Variants in ANKRD12 observed in about 807,000 individuals in gnomAD.
The protein encoded by ANKRD12 is ankyrin repeat domain-containing protein 12.
Under a neutral mutation model 183.4 loss-of-function variants are expected in ANKRD12, and 85 were observed. The observed-to-expected ratio is 0.46, with a 90% confidence interval of 0.39 to 0.56. ANKRD12 has a LOEUF of 0.56. Ranked by LOEUF, ANKRD12 falls within the 20% of genes least tolerant of loss-of-function variation. The pLI is 0.00. For synonymous variants in ANKRD12, 914 were observed against 800.2 expected, an observed-to-expected ratio of 1.14 and a Z score of -2.40; for missense variants, 2,405 against 2,357.1, an observed-to-expected ratio of 1.02 and a Z score of -0.42.
intron 3 of ANKRD12, among the ~76,000 whole-genome samples, chr18:9,201,325 A>C (rs2035152498): frequency 6.6e-6 from 1 of 152,214 alleles, no homozygotes; most frequent in Non-Finnish European, 1.5e-5. Flanking sequence ...CCTAGTCTTA[A>C]CGGTGTCCAA....
At position 9,255,909 on chromosome 18, in the gene ANKRD12, G is replaced by A. The variant is rs2038584957; in HGVS notation, c.2642G>A (p.Cys881Tyr). The A allele has an allele frequency of 1.3e-6, 2 of 1,593,444 alleles. No homozygotes were observed. Among genetic ancestry groups the A allele is most frequent in the Admixed American group, 1.8e-5 (1 of 54,820 alleles). Residue 881 changes from cysteine to tyrosine, a missense_variant, in exon 9 of 13, where the codon TGC becomes TAC. Physicochemically the swap from Cys to Tyr is radical, Grantham distance 194. Transcript: ENST00000262126. Reference protein sequence around the residue: ...DKLYSHHTEKCHKEGEKSKNT... With the variant: ...DKLYSHHTEKYHKEGEKSKNT... Reference sequence around the variant, plus strand: ...CTATATTCGCATCACACAGAAAAATGCCATAAAGAAGGTGAGAAGAGCAAA... The same window carrying A: ...CTATATTCGCATCACACAGAAAAATACCATAAAGAAGGTGAGAAGAGCAAA...
intron 7 of ANKRD12, among the ~76,000 whole-genome samples, chr18:9,219,162 G>A (rs1019033437): frequency 3.3e-5 from 5 of 152,140 alleles, no homozygotes; most frequent in Admixed American, 3.3e-4. Flanking sequence ...GAATGAACCA[G>A]CTGTACCTGA....
chr18:9,237,151 A>G (rs1395390113), intron 8 of ANKRD12, among the ~76,000 whole-genome samples: 1 of 152,210 alleles, frequency 6.6e-6, no homozygotes, highest in Non-Finnish European at 1.5e-5. Flanking sequence ...AGGTTATGCA[A>G]ATTTTACCAT....
rs541060843 is a variant in ANKRD12, at chr18:9,198,674, C to T, written c.235+2976C>T. Among the ~76,000 whole-genome samples, 12 of 152,172 alleles carry T rather than the reference C, an allele frequency of 7.9e-5. No individual in the cohort carries two copies. In the South Asian group the frequency reaches 1.2e-3, roughly 16 times the overall value. On this transcript the variant is annotated intron_variant, in intron 3 of 12. Transcript: ENST00000262126. ...AAGTGATTCTCCCGCCTCAGCCTTCCGAGTAGCTGGGATTACAGGCGCCTG... is the reference window on the plus strand; with the variant it reads ...AAGTGATTCTCCCGCCTCAGCCTTCTGAGTAGCTGGGATTACAGGCGCCTG...
At chr18:9,250,342 CGTT>C (rs374412956) in intron 8 of ANKRD12, 5 of 152,216 alleles carry the variant, frequency 3.3e-5, no homozygotes, top group South Asian at 2.1e-4. Context: ...GTGCTGGTCA[CGTT>C]GTTTAAGGTG....
chr18:9,257,269 C>G lies in ANKRD12; in HGVS notation c.4002C>G (p.Ser1334Arg). The G allele has an allele frequency of 6.2e-7, 1 of 1,614,138 alleles. No homozygotes were observed. Among genetic ancestry groups the G allele is most frequent in the Non-Finnish European group, 8.5e-7 (1 of 1,179,994 alleles). ...TATCAGAAGAGAGCAATCAAGGTAGCTTATTAACTGTGCCAGGAGATACTA... is the reference window on the plus strand; with the variant it reads ...TATCAGAAGAGAGCAATCAAGGTAGGTTATTAACTGTGCCAGGAGATACTA... ...QTISEESNQG[S>R]LLTVPGDTSP... is the part of the protein sequence containing the mutation. The change falls in exon 9 of 13, where the codon AGC becomes AGG. Residue 1334 changes from serine to arginine, a missense_variant. By Grantham distance (110) the Ser-to-Arg change is moderately radical. Transcript: ENST00000262126.
At chr18:9,226,739 C>T (rs530143354) in intron 8 of ANKRD12, among the ~76,000 whole-genome samples, 16 of 152,128 alleles carry the variant, frequency 1.1e-4, no homozygotes, top group Admixed American at 9.2e-4. Context: ...CCATATCTGC[C>T]TCCAGATGTG....
intron 9 of ANKRD12, chr18:9,259,532 T>A (rs531067792): frequency 2.0e-5 from 3 of 152,222 alleles, no homozygotes; most frequent in Non-Finnish European, 4.4e-5. Context: ...GCAAAGGTGA[T>A]GTAATTCAAG....
intron 11 of ANKRD12, among the ~76,000 whole-genome samples, chr18:9,279,089 TTTCTTCATGAG>T (rs1568011317): frequency 3.1e-3 from 1 of 322 alleles, no homozygotes; most frequent in Non-Finnish European, 6.6e-3. Context: ...TGATAAAGAA[TTTCTTCATGAG>T]AAAGAATTTC....
intron 10 of ANKRD12, among the ~76,000 whole-genome samples, chr18:9,270,977 ATGTCATACAAGTATCTCCGGCCAGCTG>A (rs1396899280): frequency 6.6e-6 from 1 of 152,194 alleles, no homozygotes; most frequent in Non-Finnish European, 1.5e-5. Context: ...TTGGCCAGCT[ATGTCATACAAGTATCTCCGGCCAGCTG>A]TGTCATAGAA....
At chr18:9,264,466 C>G (rs762525965) in intron 10 of ANKRD12, among the ~76,000 whole-genome samples, 1 of 152,168 alleles carries the variant, frequency 6.6e-6, no homozygotes, top group Non-Finnish European at 1.5e-5. Context: ...GAAATATATA[C>G]ATACTCATAT....
chr18:9,260,638 C>T, intron 9 of ANKRD12, among the ~76,000 whole-genome samples: 1 of 152,142 alleles, frequency 6.6e-6, no homozygotes, highest in East Asian at 1.9e-4. Flanking sequence ...GAGAAGCTGT[C>T]AGGGGAGCGA....
chr18:9,146,326 G>A (rs567237987), intron 1 of ANKRD12, among the ~76,000 whole-genome samples: 3 of 152,152 alleles, frequency 2.0e-5, no homozygotes, highest in Non-Finnish European at 4.4e-5. Context: ...TACTCCAGGA[G>A]GTTGAGGTGG....
chr18:9,220,985 G>C (rs1297655997), intron 7 of ANKRD12, among the ~76,000 whole-genome samples: 1 of 152,104 alleles, frequency 6.6e-6, no homozygotes, highest in Non-Finnish European at 1.5e-5. Flanking sequence ...GTCTTTTCAG[G>C]AGATGGACAG....
In ANKRD12 at chr18:9,280,927, C is replaced by G; in HGVS notation, c.6004-14C>G. The stretch of plus-strand genomic sequence containing the variant: ...AACAGAATAATCAAGTAACTCTTCT[C>G]TTCTTTTAAATAGACCTGTCTTTTA... On this transcript the variant is annotated splice_polypyrimidine_tract_variant and intron_variant, in intron 12 of 12. Transcript: ENST00000262126. 1.3e-6 allele frequency: 2 copies of G among 1,596,192 alleles called. No individual in the cohort carries two copies. The highest frequency in any genetic ancestry group is 1.2e-5 in the South Asian group (1 of 86,668).
At chr18:9,141,681 T>C (rs146318924) in intron 1 of ANKRD12, among the ~76,000 whole-genome samples, 1 of 152,332 alleles carries the variant, frequency 6.6e-6, no homozygotes, top group Admixed American at 6.5e-5. Context: ...TTGTGTCATC[T>C]TTGGCCAATT....
At chr18:9,213,760 G>A (rs1375915318) in intron 6 of ANKRD12, among the ~76,000 whole-genome samples, 1 of 151,730 alleles carries the variant, frequency 6.6e-6, no homozygotes, top group East Asian at 1.9e-4. Flanking sequence ...TTGTGAACAT[G>A]TAACTTTTTA....
At chr18:9,235,794 G>A in intron 8 of ANKRD12, 2 of 401,616 alleles carry the variant, frequency 5.0e-6, no homozygotes, top group Non-Finnish European at 1.0e-5. Flanking sequence ...AGAAGACCAT[G>A]TAGAAAAAAA....
chr18:9,212,719 C>G (rs983874966), intron 6 of ANKRD12, among the ~76,000 whole-genome samples: 1 of 151,638 alleles, frequency 6.6e-6, no homozygotes, highest in Non-Finnish European at 1.5e-5. Context: ...TTCATACTAC[C>G]ATCAAGAGTA....
Sources: gnomAD v4.1 joint callset for allele counts (sites outside exome capture counted in the v4.1 genomes callset) on GRCh38, gnomAD v4.1.1 for gene constraint, MANE v1.5 for transcripts, NCBI Gene and HGNC (gene_info 2026-07-23, HGNC 2026-07-21) for gene names.